Variants in EML4 observed in about 807,000 individuals in gnomAD.
EML4 encodes echinoderm microtubule-associated protein-like 4.
Under a neutral mutation model 129.0 loss-of-function variants are expected in EML4, and 72 were observed. That is an observed-to-expected ratio of 0.56 (90% confidence interval 0.46 to 0.68). EML4 has a LOEUF of 0.68. Among genes scored for constraint, EML4 ranks in the 30% least tolerant of loss-of-function variants. The pLI, the probability that EML4 is intolerant of heterozygous loss-of-function variation, is 0.00. For synonymous variants in EML4, 532 were observed against 405.0 expected (o/e 1.31, Z -3.77); for missense variants, 1,363 against 1,190.6 (o/e 1.14, Z -2.13).
chr2:42,315,203 C>T (rs997699927), intron 17 of EML4, among the ~76,000 whole-genome samples: 4 of 152,192 alleles, frequency 2.6e-5, no homozygotes, highest in African/African-American at 9.6e-5. Flanking sequence ...CAGCCCACAT[C>T]TTACATCTTC....
intron 2 of EML4, among the ~76,000 whole-genome samples, chr2:42,248,299 A>G (rs1001588997): frequency 5.3e-5 from 8 of 152,188 alleles, no homozygotes; most frequent in African/African-American, 9.7e-5. Context: ...AATTTTAAAG[A>G]TATTTTCTCT....
chr2:42,181,816 C>T (rs909597060), intron 1 of EML4, among the ~76,000 whole-genome samples: 2 of 152,030 alleles, frequency 1.3e-5, no homozygotes, highest in Non-Finnish European at 2.9e-5. Context: ...CCATTTTTGC[C>T]AAGGAGCCCT....
intron 3 of EML4, among the ~76,000 whole-genome samples, chr2:42,257,306 T>C (rs1021814844): frequency 2.0e-5 from 3 of 152,204 alleles, no homozygotes; most frequent in Non-Finnish European, 4.4e-5. Flanking sequence ...ATGTAGAGTT[T>C]GGAGAGACCA....
intron 13 of EML4, 90 bp from the exon 14 acceptor site, chr2:42,301,151 C>A: frequency 9.0e-7 from 1 of 1,115,414 alleles, no homozygotes; most frequent in Non-Finnish European, 1.3e-6. Flanking sequence ...TGATTATTAA[C>A]TCTAGTTCTA....
chr2:42,200,729 A>C (rs1672180071), intron 1 of EML4, among the ~76,000 whole-genome samples: 1 of 152,172 alleles, frequency 6.6e-6, no homozygotes, highest in Non-Finnish European at 1.5e-5. Flanking sequence ...GGAATGTTTT[A>C]TATCTTTTTT....
At chr2:42,223,610 C>G (rs923951913) in intron 1 of EML4, among the ~76,000 whole-genome samples, 5 of 151,992 alleles carry the variant, frequency 3.3e-5, no homozygotes, top group South Asian at 2.1e-4. Flanking sequence ...TTTAGTCTTT[C>G]CCCATGACAA....
chr2:42,296,269 T>C (rs1386063049), intron 13 of EML4, among the ~76,000 whole-genome samples: 1 of 151,686 alleles, frequency 6.6e-6, no homozygotes, highest in African/African-American at 2.4e-5. Context: ...AAGAGAGAGA[T>C]TCTTAGCAGC....
intron 17 of EML4, among the ~76,000 whole-genome samples, chr2:42,314,762 CTT>C (rs913308502): frequency 6.6e-6 from 1 of 152,222 alleles, no homozygotes; most frequent in African/African-American, 2.4e-5. Context: ...CATCCTCTCT[CTT>C]ATGCAGCCTT....
intron 6 of EML4, among the ~76,000 whole-genome samples, chr2:42,265,164 T>TA (rs1227187901): frequency 3.9e-5 from 6 of 152,158 alleles, no homozygotes; most frequent in Non-Finnish European, 7.3e-5. Context: ...AATCTCGGCT[T>TA]ACTGCAATCT....
chr2:42,319,570 C>G (rs1442318617), intron 19 of EML4: 1 of 152,212 alleles, frequency 6.6e-6, no homozygotes, highest in Non-Finnish European at 1.5e-5. Context: ...ACCGGCTGGT[C>G]TTATAGTCAG....
At chr2:42,273,418 A>C (rs1347042737) in intron 6 of EML4, among the ~76,000 whole-genome samples, 1 of 152,208 alleles carries the variant, frequency 6.6e-6, no homozygotes, top group Non-Finnish European at 1.5e-5. Flanking sequence ...AGAATTGTAA[A>C]CAAAACATCA....
At position 42,241,876 on chromosome 2, in the gene EML4, G is replaced by GC. The variant is rs911874139; in HGVS notation, c.26-3629_26-3628insC. 3.3e-5 allele frequency among the ~76,000 whole-genome samples: 5 copies of GC among 149,988 alleles called. No individual in the cohort carries two copies. The East Asian group carries it at 1.0e-3, about 30-fold the overall frequency. On this transcript the variant is annotated intron_variant, in intron 1 of 22. Transcript: ENST00000318522. ...ATTGTGTGTGTATGTGTGTGTGTCGGGGGGGGGAAGCTGAGGTAATAAATA... is the reference window on the plus strand; with the variant it reads ...ATTGTGTGTGTATGTGTGTGTGTCGGCGGGGGGGAAGCTGAGGTAATAAATA...
chr2:42,298,504 A>G (rs1458740954), intron 13 of EML4, among the ~76,000 whole-genome samples: 3 of 152,234 alleles, frequency 2.0e-5, no homozygotes, highest in African/African-American at 7.2e-5. Flanking sequence ...ATCTTTGGCT[A>G]TAAATTTGTT....
In EML4 at chr2:42,217,908, T is replaced by C. The variant is rs758434655; in HGVS notation, c.26-27597T>C. On this transcript the variant is annotated intron_variant, in intron 1 of 22. Coordinates refer to ENST00000318522, the MANE Select transcript of EML4 (RefSeq NM_019063.5). ...ATCTGGGTGCTGATCATCTCACTTT[T>C]GGAACATCCGTAGGGTACTGGATTG... Among the ~76,000 whole-genome samples, 20 of 152,228 alleles carry C rather than the reference T, an allele frequency of 1.3e-4. 1 individual carries two copies. The highest frequency in any genetic ancestry group is 8.8e-5 in the Non-Finnish European group (6 of 68,026).
intron 9 of EML4, among the ~76,000 whole-genome samples, chr2:42,285,586 C>CTTTTTTTTTTTTTT (rs70963307): frequency 6.9e-6 from 1 of 145,928 alleles, no homozygotes; most frequent in Non-Finnish European, 1.5e-5. Flanking sequence ...CTGACTCCAC[C>CTTTTTTTTTTTTTT]TTTTTTTTTT....
chr2:42,323,752 G>A (rs1199175951), intron 19 of EML4, among the ~76,000 whole-genome samples: 1 of 146,648 alleles, frequency 6.8e-6, no homozygotes, highest in Admixed American at 6.8e-5. Flanking sequence ...TGGCTAATGT[G>A]GTGAAACCCC....
intron 14 of EML4, among the ~76,000 whole-genome samples, chr2:42,302,473 A>G (rs1198729018): frequency 5.3e-5 from 8 of 152,184 alleles, no homozygotes; most frequent in Admixed American, 5.2e-4. Context: ...TAATATAACT[A>G]ATAAGTAACA....
intron 1 of EML4, among the ~76,000 whole-genome samples, chr2:42,230,212 T>G (rs1674244339): frequency 6.6e-6 from 1 of 152,162 alleles, no homozygotes; most frequent in African/African-American, 2.4e-5. Context: ...TTTGGAGAGT[T>G]ATTGCAAAGT....
At chr2:42,280,817 G>T in intron 6 of EML4, 33 bp from the exon 7 acceptor site, 2 of 1,561,572 alleles carry the variant, frequency 1.3e-6, no homozygotes, top group Non-Finnish European at 1.7e-6. Flanking sequence ...CAGAAAATAC[G>T]TATGACTTAA....
Sources: allele counts gnomAD v4.1 joint callset (sites outside exome capture counted in the v4.1 genomes callset), GRCh38; gene constraint gnomAD v4.1.1; transcripts MANE v1.5; gene names NCBI Gene and HGNC (gene_info 2026-07-23, HGNC 2026-07-21).